Variants in SRPK2 observed in about 807,000 individuals in gnomAD.
SRPK2 encodes SFRS protein kinase 2.
In SRPK2, 21 loss-of-function variants were observed where a neutral mutation model predicts 90.8. That is an observed-to-expected ratio of 0.23 (90% CI 0.16 to 0.33). The LOEUF (loss-of-function observed/expected upper bound fraction) is 0.33. Among genes scored for constraint, SRPK2 ranks in the 10% least tolerant of loss-of-function variants. SRPK2 has a pLI of 1.00. For synonymous variants in SRPK2, 288 were observed against 311.1 expected, an observed-to-expected ratio of 0.93 and a Z score of 0.78; for missense variants, 620 against 869.0, an observed-to-expected ratio of 0.71 and a Z score of 3.60.
chr7:105,334,921 G>GC (rs1319684450), intron 2 of SRPK2, among the ~76,000 whole-genome samples: 1 of 149,876 alleles, frequency 6.7e-6, no homozygotes, highest in African/African-American at 2.5e-5. Context: ...TGTAATCCCA[G>GC]ACTTTGGGAG....
chr7:105,187,238 G>C (rs1288174941), intron 3 of SRPK2, among the ~76,000 whole-genome samples: 1 of 152,160 alleles, frequency 6.6e-6, no homozygotes, highest in African/African-American at 2.4e-5. Context: ...ATCTTTAAAA[G>C]ACTGATCAAC....
At chr7:105,240,504 G>A (rs1201994318) in intron 2 of SRPK2, among the ~76,000 whole-genome samples, 2 of 152,042 alleles carry the variant, frequency 1.3e-5, no homozygotes, top group Non-Finnish European at 2.9e-5. Context: ...GAATATAGAA[G>A]AGGTATAGAA....
chr7:105,395,951 T>A (rs116195954), intron 1 of SRPK2, among the ~76,000 whole-genome samples: 1 of 152,156 alleles, frequency 6.6e-6, no homozygotes, highest in East Asian at 1.9e-4. Context: ...GTTTCACTCT[T>A]GTTGCTCGGG....
intron 2 of SRPK2, among the ~76,000 whole-genome samples, chr7:105,295,119 C>A (rs963051982): frequency 6.6e-6 from 1 of 151,112 alleles, no homozygotes; most frequent in African/African-American, 2.4e-5. Flanking sequence ...GGCTGAGGCA[C>A]GAGAATCGCT....
At chr7:105,370,568 G>A (rs1475731879) in intron 2 of SRPK2, among the ~76,000 whole-genome samples, 18 of 151,008 alleles carry the variant, frequency 1.2e-4, no homozygotes, top group Non-Finnish European at 2.7e-4. Context: ...CTGAAACAAT[G>A]CACTCTGGAA....
intron 4 of SRPK2, 131 bp downstream of exon 4, chr7:105,169,026 G>A: frequency 1.8e-6 from 1 of 554,730 alleles, no homozygotes; most frequent in Non-Finnish European, 3.0e-6. Flanking sequence ...AATCTAGCCA[G>A]CTGAGGCAGG....
chr7:105,128,439 T>C (rs1801519375), intron 13 of SRPK2, among the ~76,000 whole-genome samples: 1 of 152,144 alleles, frequency 6.6e-6, no homozygotes, highest in Non-Finnish European at 1.5e-5. Context: ...AAGAAGACAG[T>C]TGGGCCAATC....
intron 2 of SRPK2, among the ~76,000 whole-genome samples, chr7:105,286,660 T>C (rs535855890): frequency 6.6e-6 from 1 of 152,296 alleles, no homozygotes; most frequent in South Asian, 2.1e-4. Flanking sequence ...CAGCCAGTAT[T>C]GAGATCACTG....
intron 2 of SRPK2, among the ~76,000 whole-genome samples, chr7:105,259,921 A>G (rs1803960953): frequency 6.6e-6 from 1 of 152,240 alleles, no homozygotes. Context: ...AGGACCTAAC[A>G]CCATAAAAAC....
At chr7:105,188,362 C>T (rs1793857442) in intron 3 of SRPK2, among the ~76,000 whole-genome samples, 1 of 152,142 alleles carries the variant, frequency 6.6e-6, no homozygotes, top group African/African-American at 2.4e-5. Flanking sequence ...TGTCAATGGA[C>T]AGTCATTTCT....
At chr7:105,167,264 C>T in intron 6 of SRPK2, 113 bp downstream of exon 6, 1 of 813,168 alleles carries the variant, frequency 1.2e-6, no homozygotes, top group South Asian at 2.0e-5. Flanking sequence ...TGACAATGTT[C>T]CTAGAGTGTT....
chr7:105,147,891 T>C (rs1347169693), intron 7 of SRPK2, among the ~76,000 whole-genome samples: 1 of 152,246 alleles, frequency 6.6e-6, no homozygotes, highest in Non-Finnish European at 1.5e-5. Flanking sequence ...GATACAACAT[T>C]GTGTTTATCC....
At chr7:105,360,010 T>C (rs922285027) in intron 2 of SRPK2, among the ~76,000 whole-genome samples, 3 of 152,184 alleles carry the variant, frequency 2.0e-5, no homozygotes, top group Admixed American at 6.5e-5. Context: ...TGTGTGGGAA[T>C]CTAAGTCTCT....
intron 7 of SRPK2, among the ~76,000 whole-genome samples, chr7:105,158,504 T>C (rs753216992): frequency 1.8e-4 from 27 of 152,068 alleles, no homozygotes; most frequent in Non-Finnish European, 2.6e-4. Context: ...CCACCCGCCT[T>C]GGCCGCCCAA....
intron 2 of SRPK2, among the ~76,000 whole-genome samples, chr7:105,384,098 T>C (rs1282770953): frequency 6.6e-6 from 1 of 152,168 alleles, no homozygotes; most frequent in Non-Finnish European, 1.5e-5. Flanking sequence ...AAAAGGTAAA[T>C]TTTATGGTAT....
At chr7:105,259,959 TCAGGACA>T (rs1173669082) in intron 2 of SRPK2, among the ~76,000 whole-genome samples, 1 of 152,146 alleles carries the variant, frequency 6.6e-6, no homozygotes, top group East Asian at 1.9e-4. Flanking sequence ...GCAATACCAT[TCAGGACA>T]CAGGCATGGG....
chr7:105,184,078 C>T (rs1330333169), intron 3 of SRPK2, among the ~76,000 whole-genome samples: 1 of 146,756 alleles, frequency 6.8e-6, no homozygotes, highest in Non-Finnish European at 1.5e-5. Flanking sequence ...CAGGTTCAAG[C>T]CATTCTCCTG....
At chr7:105,378,761 C>CAAA (rs35549009) in intron 2 of SRPK2, among the ~76,000 whole-genome samples, 1 of 92,268 alleles carries the variant, frequency 1.1e-5, no homozygotes, top group African/African-American at 4.6e-5. Context: ...GACTCCGTCT[C>CAAA]AAAAAAAAAA....
intron 2 of SRPK2, among the ~76,000 whole-genome samples, chr7:105,331,030 G>A (rs182847915): frequency 2.0e-5 from 3 of 151,928 alleles, no homozygotes; most frequent in Non-Finnish European, 4.4e-5. Context: ...GGCCGGGCAC[G>A]ATGGCTCACG....
Sources: allele counts gnomAD v4.1 joint callset (sites outside exome capture counted in the v4.1 genomes callset), GRCh38; gene constraint gnomAD v4.1.1; transcripts MANE v1.5; gene names NCBI Gene and HGNC (gene_info 2026-07-23, HGNC 2026-07-21).